Variants in KCNIP4 observed in about 807,000 individuals in gnomAD.
The protein encoded by KCNIP4 is Kv channel-interacting protein 4.
A neutral mutation model predicts 34.0 loss-of-function variants in KCNIP4; 12 were observed. The ratio of observed to expected loss-of-function variants is 0.35; its 90% CI spans 0.23 to 0.57. The LOEUF (loss-of-function observed/expected upper bound fraction) is 0.57, where lower values mean the gene tolerates loss of function less well. KCNIP4 is among the 20% of genes least tolerant of loss of function. KCNIP4 has a pLI of 0.83. For missense variants in KCNIP4, 238 were observed against 311.7 expected (o/e 0.76, Z 1.78); for synonymous variants, 124 against 102.2 (o/e 1.21, Z -1.29).
chr4:21,038,487 T>C (rs1741660207), intron 1 of KCNIP4, among the ~76,000 whole-genome samples: 1 of 152,114 alleles, frequency 6.6e-6, no homozygotes, highest in Non-Finnish European at 1.5e-5. Flanking sequence ...CTGGCCTCCT[T>C]CTCCCACTTT....
chr4:21,597,442 A>G, intron 1 of KCNIP4, among the ~76,000 whole-genome samples: 1 of 152,070 alleles, frequency 6.6e-6, no homozygotes. Context: ...ATGGACTAAT[A>G]CACCCATGAA....
intron 1 of KCNIP4, among the ~76,000 whole-genome samples, chr4:21,072,917 G>T (rs1409167590): frequency 1.3e-5 from 2 of 152,064 alleles, no homozygotes; most frequent in Admixed American, 6.6e-5. Flanking sequence ...TTTCCCCATT[G>T]CTTGTTTTTG....
chr4:21,369,030 G>A (rs1720074691), intron 1 of KCNIP4, among the ~76,000 whole-genome samples: 1 of 146,896 alleles, frequency 6.8e-6, no homozygotes, highest in African/African-American at 2.7e-5. Flanking sequence ...TGCAGTAAAG[G>A]GATGCAGAGC....
At chr4:21,255,237 C>T (rs1377856189) in intron 1 of KCNIP4, among the ~76,000 whole-genome samples, 1 of 152,128 alleles carries the variant, frequency 6.6e-6, no homozygotes, top group East Asian at 1.9e-4. Flanking sequence ...TTGACTCTCT[C>T]CCTCTCCATG....
intron 1 of KCNIP4, among the ~76,000 whole-genome samples, chr4:21,030,255 A>G (rs1740902436): frequency 6.6e-6 from 1 of 152,122 alleles, no homozygotes; most frequent in Non-Finnish European, 1.5e-5. Context: ...TGAACTGTGC[A>G]TGCAAGGGAT....
At chr4:21,795,229 T>C (rs1193998134) in intron 1 of KCNIP4, among the ~76,000 whole-genome samples, 5 of 152,098 alleles carry the variant, frequency 3.3e-5, no homozygotes, top group Admixed American at 6.5e-5. Flanking sequence ...CCGGGAAGCG[T>C]GCACACAGAA....
chr4:21,460,885 T>C (rs1459492735), intron 1 of KCNIP4, among the ~76,000 whole-genome samples: 4 of 152,090 alleles, frequency 2.6e-5, no homozygotes, highest in African/African-American at 9.7e-5. Flanking sequence ...TTTAGACCCC[T>C]GCTAGTCATG....
intron 1 of KCNIP4, among the ~76,000 whole-genome samples, chr4:20,916,988 TATATATATATATATA>T (rs1728891380): frequency 0.02 from 611 of 30,348 alleles, 85 homozygotes; most frequent in South Asian, 0.051. Flanking sequence ...CTTATGTTTA[TATATATATATATATA>T]TATATATATA....
At position 20,731,996 on chromosome 4, in the gene KCNIP4, C is replaced by G; in HGVS notation, c.705+10G>C. ...GCTGAATTGATAGTTATTACACTTT[C>G]ATTACTTACTTTTTGGCAGCTTTCA... On this transcript the variant is annotated intron_variant, in intron 8 of 8. Transcript: ENST00000382152. 6.2e-7 allele frequency: 1 copy of G among 1,613,102 alleles called. No homozygotes were observed. Among genetic ancestry groups the G allele is most frequent in the Non-Finnish European group, 8.5e-7 (1 of 1,179,684 alleles).
intron 3 of KCNIP4, among the ~76,000 whole-genome samples, chr4:20,829,290 C>A (rs1354976520): frequency 6.6e-6 from 1 of 152,020 alleles, no homozygotes; most frequent in Non-Finnish European, 1.5e-5. Flanking sequence ...TCACTGAAAT[C>A]TCTGCCACCC....
At chr4:21,897,115 A>C (rs1475208265) in intron 1 of KCNIP4, among the ~76,000 whole-genome samples, 8 of 152,080 alleles carry the variant, frequency 5.3e-5, no homozygotes, top group Admixed American at 2.0e-4. Flanking sequence ...ATAAGACTTT[A>C]AAATTTATGC....
chr4:21,096,945 A>G (rs762060900), intron 1 of KCNIP4, among the ~76,000 whole-genome samples: 1 of 152,160 alleles, frequency 6.6e-6, no homozygotes, highest in Non-Finnish European at 1.5e-5. Flanking sequence ...TTAAAGCTGG[A>G]CAGACAATGG....
intron 1 of KCNIP4, among the ~76,000 whole-genome samples, chr4:21,616,866 CT>C (rs1224765732): frequency 6.6e-6 from 1 of 152,114 alleles, no homozygotes; most frequent in Non-Finnish European, 1.5e-5. Flanking sequence ...AATTGATGAC[CT>C]TATTTATAAA....
intron 8 of KCNIP4, chr4:20,731,650 G>A: frequency 1.0e-6 from 1 of 985,170 alleles, no homozygotes; most frequent in Non-Finnish European, 1.2e-6. Flanking sequence ...TAATGCTGTG[G>A]AGATATGATA....
intron 1 of KCNIP4, among the ~76,000 whole-genome samples, chr4:21,907,979 C>T (rs886505689): frequency 2.0e-5 from 3 of 152,004 alleles, no homozygotes; most frequent in Admixed American, 6.6e-5. Context: ...TGGGACTTTA[C>T]GTCAACCATT....
At chr4:21,433,944 T>C (rs1348033498) in intron 1 of KCNIP4, among the ~76,000 whole-genome samples, 1 of 152,246 alleles carries the variant, frequency 6.6e-6, no homozygotes, top group Non-Finnish European at 1.5e-5. Flanking sequence ...CAGGCACATT[T>C]AAATATGTGT....
At chr4:20,840,603 C>T (rs1458181530) in intron 3 of KCNIP4, among the ~76,000 whole-genome samples, 1 of 152,152 alleles carries the variant, frequency 6.6e-6, no homozygotes. Context: ...GTGGAGGAAG[C>T]TGGCACCATA....
Position 21,879,171 on chromosome 4 carries a change from C to T in KCNIP4, c.61+69400G>A, listed in dbSNP as rs6828953. 4.7e-3 allele frequency among the ~76,000 whole-genome samples: 714 copies of T among 152,112 alleles called. 8 individuals are homozygous for T. Among genetic ancestry groups the T allele is most frequent in the African/African-American group, 0.016 (672 of 41,490 alleles). On this transcript the variant is annotated intron_variant, in intron 1 of 8. Transcript: ENST00000382152. ...GAACATATGCCATGTGATCACAGTCCGCTTTTTAAAAAAATTGCACACCCT... is the reference window on the plus strand; with the variant it reads ...GAACATATGCCATGTGATCACAGTCTGCTTTTTAAAAAAATTGCACACCCT...
Position 21,014,857 on chromosome 4 carries a change from C to T in KCNIP4, c.62-132148G>A, listed in dbSNP as rs79906401. On this transcript the variant is annotated intron_variant, in intron 1 of 8. Transcript: ENST00000382152. ...CACAATAGCCCAAACGTGGAAACAA[C>T]GCCAATGTCCATTGATGGATGAAGG... is the stretch of plus-strand genomic sequence containing the variant. 3.3e-3 allele frequency among the ~76,000 whole-genome samples: 505 copies of T among 152,182 alleles called. 1 individual carries two copies. Among genetic ancestry groups the T allele is most frequent in the African/African-American group, 0.011 (473 of 41,520 alleles).
Sources: gnomAD v4.1 joint callset for allele counts (sites outside exome capture counted in the v4.1 genomes callset) on GRCh38, gnomAD v4.1.1 for gene constraint, MANE v1.5 for transcripts, NCBI Gene and HGNC (gene_info 2026-07-23, HGNC 2026-07-21) for gene names.